The following ZNF736 variants were observed in gnomAD, a reference collection of about 807,000 sequenced individuals.
The protein encoded by ZNF736 is KRAB-containing zinc-finger repressor protein.
Under a neutral mutation model 11.7 loss-of-function variants are expected in ZNF736, and 6 were observed. That is an observed-to-expected ratio of 0.51 (90% CI 0.28 to 1.01). ZNF736 has a LOEUF of 1.01. Among genes scored for constraint, ZNF736 ranks in the 50% least tolerant of loss-of-function variants. ZNF736 has a pLI of 0.09. For missense variants in ZNF736, 444 were observed against 496.0 expected (o/e 0.90, Z 1.00); for synonymous variants, 139 against 164.7 (o/e 0.84, Z 1.19).
chr7:64,348,255 A>G lies in ZNF736; in HGVS notation c.392A>G (p.Asn131Ser), dbSNP rs1789437490. 5 of 1,552,006 alleles carry G rather than the reference A, an allele frequency of 3.2e-6. No individual in the cohort carries two copies. The highest frequency in any genetic ancestry group is 4.4e-6 in the Non-Finnish European group (5 of 1,146,924). The change falls in exon 4 of 4, where the codon AAT becomes AGT. Residue 131 changes from asparagine (N) to serine (S), a missense_variant. Physicochemically the swap from Asn to Ser is conservative, Grantham distance 46. Coordinates refer to ENST00000423484, the MANE Select transcript of ZNF736 (RefSeq NM_001170905.3). ...TGCAAGGGGCAGAAAAGCAGTTATAATGGCCTTCATCAATGTTTGTCAGCT... is the reference window on the plus strand; with the variant it reads ...TGCAAGGGGCAGAAAAGCAGTTATAGTGGCCTTCATCAATGTTTGTCAGCT... Reference protein sequence around the residue: ...GNCKGQKSSYNGLHQCLSATH... With the variant: ...GNCKGQKSSYSGLHQCLSATH...
At chr7:64,340,346 A>C (rs569968225) in intron 3 of ZNF736, among the ~76,000 whole-genome samples, 1 of 152,194 alleles carries the variant, frequency 6.6e-6, no homozygotes, top group Non-Finnish European at 1.5e-5. Context: ...GTCTCTGGAT[A>C]TGCAGAACCA....
At chr7:64,342,657 A>C (rs1292778625) in intron 3 of ZNF736, among the ~76,000 whole-genome samples, 1 of 151,938 alleles carries the variant, frequency 6.6e-6, no homozygotes, top group East Asian at 1.9e-4. Context: ...TTTCTTTCTG[A>C]TTTGTGTGTA....
At chr7:64,328,623 G>T (rs1176181674) in intron 1 of ZNF736, among the ~76,000 whole-genome samples, 1 of 152,102 alleles carries the variant, frequency 6.6e-6, no homozygotes, top group African/African-American at 2.4e-5. Context: ...TTAGCCAGGT[G>T]TGGTGGCGGG....
At chr7:64,336,828 A>G (rs759527289) in intron 2 of ZNF736, 59 bp from the exon 3 acceptor site, 18 of 1,325,566 alleles carry the variant, frequency 1.4e-5, no homozygotes, top group African/African-American at 2.9e-5. Flanking sequence ...TGAGCATAGT[A>G]CTAGATTAGT....
At chr7:64,344,388 C>T (rs1254943653) in intron 3 of ZNF736, among the ~76,000 whole-genome samples, 2 of 152,186 alleles carry the variant, frequency 1.3e-5, no homozygotes, top group African/African-American at 4.8e-5. Context: ...TTTTTAGCAA[C>T]ATATCTTTAG....
At position 64,348,885 on chromosome 7, in the gene ZNF736, A is replaced by T. The variant is rs1306654188; in HGVS notation, c.1022A>T (p.Tyr341Phe). The T allele has an allele frequency of 6.2e-7, 1 of 1,608,582 alleles. No individual in the cohort carries two copies. ...HKRIHTGEKP[Y>F]ICEECGKAFT... ...AGAATTCATACTGGAGAGAAACCCT[A>T]CATCTGTGAAGAATGTGGCAAAGCC... Residue 341 changes from tyrosine to phenylalanine, a missense_variant, in exon 4 of 4, where the codon TAC becomes TTC. Transcript: ENST00000423484.
intron 3 of ZNF736, among the ~76,000 whole-genome samples, chr7:64,345,073 G>C (rs1789389511): frequency 6.6e-6 from 1 of 151,276 alleles, no homozygotes; most frequent in Admixed American, 6.6e-5. Flanking sequence ...ACCCAGGCTG[G>C]AGTGCAGTGG....
At position 64,350,768 on chromosome 7, in the gene ZNF736, T is replaced by TGTTTTG; in HGVS notation, c.*1621_*1622insGTTTTG. On this transcript the variant is annotated 3_prime_UTR_variant, in exon 4 of 4. Transcript: ENST00000423484. The stretch of plus-strand genomic sequence containing the variant: ...AACAGGCTTTGTTCCTGGGAGGTTT[T>TGTTTTG]TTTTGTTTTGTTTTGTTTTGTTTTG... The TGTTTTG allele has an allele frequency of 6.8e-6, 1 of 146,570 alleles. No homozygotes were observed. Among genetic ancestry groups the TGTTTTG allele is most frequent in the Non-Finnish European group, 1.5e-5 (1 of 67,162 alleles). 9.1% of individuals were successfully genotyped at this position (146,570 alleles called of 1,614,324 possible). A position where few individuals can be genotyped will look rare whatever the true frequency, so the allele number is the denominator to read the frequency against.
At chr7:64,330,537 G>A (rs138335452) in intron 1 of ZNF736, among the ~76,000 whole-genome samples, 49 of 152,044 alleles carry the variant, frequency 3.2e-4, no homozygotes, top group African/African-American at 1.1e-3. Context: ...GAGACCTCAG[G>A]AGCTACCTTG....
At chr7:64,348,005 T>C in intron 3 of ZNF736, 85 bp from the exon 4 acceptor site, 1 of 1,150,196 alleles carries the variant, frequency 8.7e-7, no homozygotes, top group East Asian at 2.6e-5. Context: ...TTATTATCGT[T>C]TTATTAATTG....
At chr7:64,347,710 G>A (rs569932550) in intron 3 of ZNF736, among the ~76,000 whole-genome samples, 11 of 152,126 alleles carry the variant, frequency 7.2e-5, no homozygotes, top group Non-Finnish European at 1.2e-4. Context: ...CTTTGGTAAG[G>A]TCTCAATAAG....
intron 1 of ZNF736, among the ~76,000 whole-genome samples, chr7:64,324,714 AG>A (rs1789059448): frequency 6.6e-6 from 1 of 152,212 alleles, no homozygotes; most frequent in Non-Finnish European, 1.5e-5. Flanking sequence ...ACCTGATCAT[AG>A]TCTCATCTAC....
chr7:64,326,902 G>T (rs1383804283), intron 1 of ZNF736, among the ~76,000 whole-genome samples: 2 of 152,078 alleles, frequency 1.3e-5, no homozygotes, highest in African/African-American at 4.8e-5. Context: ...TATCATCAGA[G>T]AAATTACTTG....
At chr7:64,343,752 G>A (rs11983786) in intron 3 of ZNF736, among the ~76,000 whole-genome samples, 1 of 151,894 alleles carries the variant, frequency 6.6e-6, no homozygotes, top group African/African-American at 2.4e-5. Context: ...TTTTACAGTA[G>A]CCTATGTCAC....
At chr7:64,320,910 T>C (rs1166567444) in intron 1 of ZNF736, among the ~76,000 whole-genome samples, 1 of 152,238 alleles carries the variant, frequency 6.6e-6, no homozygotes, top group African/African-American at 2.4e-5. Context: ...TGAAGTCATG[T>C]CGGTACATTT....
chr7:64,332,975 GT>G (rs1221629829), intron 1 of ZNF736, among the ~76,000 whole-genome samples: 2 of 152,150 alleles, frequency 1.3e-5, no homozygotes, highest in East Asian at 3.9e-4. Flanking sequence ...TTAAACACAT[GT>G]TTTACAATCA....
chr7:64,353,079 T>TAA lies in ZNF736; in HGVS notation c.*3932_*3933insAA, dbSNP rs1478313489. 1 of 152,250 alleles carries TAA rather than the reference T, an allele frequency of 6.6e-6. No individual in the cohort carries two copies. Among genetic ancestry groups the TAA allele is most frequent in the Non-Finnish European group, 1.5e-5 (1 of 68,080 alleles). 9.4% of individuals were successfully genotyped at this position (152,250 alleles called of 1,614,324 possible). On this transcript the variant is annotated 3_prime_UTR_variant, in exon 4 of 4. Coordinates refer to ENST00000423484, the MANE Select transcript of ZNF736 (RefSeq NM_001170905.3). ...GCTCTTGAATCTGCGCAGGCCTAAG[T>TAA]GGCTTATCTGCTGAGACTCCATGTA...
rs920810441 is a variant in ZNF736 at position 64,356,418 on chromosome 7, A to G, written c.*7271A>G. Among the ~76,000 whole-genome samples the G allele has an allele frequency of 4.5e-4, 68 of 152,212 alleles. No homozygotes were observed. Among genetic ancestry groups the G allele is most frequent in the African/African-American group, 1.6e-3 (65 of 41,462 alleles). On this transcript the variant is annotated 3_prime_UTR_variant, in exon 4 of 4. Coordinates refer to ENST00000423484, the MANE Select transcript of ZNF736 (RefSeq NM_001170905.3). ...GTTGATTTCTAAGATAAAATATTTG[A>G]GAATTAATATTACCCAACTTGTCCA...
At chr7:64,334,929 A>G (rs557068807) in intron 1 of ZNF736, among the ~76,000 whole-genome samples, 1 of 152,344 alleles carries the variant, frequency 6.6e-6, no homozygotes, top group South Asian at 2.1e-4. Flanking sequence ...AATGTGGCAC[A>G]TATACACCAT....
Sources: allele counts gnomAD v4.1 joint callset (sites outside exome capture counted in the v4.1 genomes callset), GRCh38; gene constraint gnomAD v4.1.1; transcripts MANE v1.5; gene names NCBI Gene and HGNC (gene_info 2026-07-23, HGNC 2026-07-21).